MEGF6: variants seen among roughly 807,000 people sequenced by gnomAD.
MEGF6 encodes the protein multiple EGF like domains 6.
Under a neutral mutation model 207.1 loss-of-function variants are expected in MEGF6, and 184 were observed. That is an observed-to-expected ratio of 0.89 (90% confidence interval 0.79 to 1.00). MEGF6 has a LOEUF of 1.00. Among genes scored for constraint, MEGF6 ranks in the 50% least tolerant of loss-of-function variants. MEGF6 has a pLI of 0.00. For synonymous variants in MEGF6, 1,038 were observed against 910.0 expected, an observed-to-expected ratio of 1.14 and a Z score of -2.53; for missense variants, 2,282 against 2,202.9, an observed-to-expected ratio of 1.04 and a Z score of -0.72.
chr1:3,535,586 C>T (rs1011540543), intron 4 of MEGF6, among the ~76,000 whole-genome samples: 2 of 152,100 alleles, frequency 1.3e-5, no homozygotes, highest in African/African-American at 4.8e-5. Context: ...CCATGCCCAC[C>T]CGCCCACCTC....
intron 4 of MEGF6, among the ~76,000 whole-genome samples, chr1:3,562,017 G>T (rs992660247): frequency 6.6e-6 from 1 of 152,170 alleles, no homozygotes; most frequent in Non-Finnish European, 1.5e-5. Flanking sequence ...TGGCGGTGCT[G>T]GTGGGAGGCC....
At chr1:3,497,780 CA>C (rs1310667237) in intron 26 of MEGF6, among the ~76,000 whole-genome samples, 2 of 152,218 alleles carry the variant, frequency 1.3e-5, no homozygotes, top group Non-Finnish European at 2.9e-5. Context: ...CCCCCTCAGA[CA>C]GCAGACCCAA....
chr1:3,505,391 C>CG, intron 16 of MEGF6, 31 bp downstream of exon 16: 2 of 1,599,294 alleles, frequency 1.3e-6, no homozygotes, highest in Non-Finnish European at 1.7e-6. Flanking sequence ...CCCTGGCGCC[C>CG]CCCGCCCCCA....
intron 34 of MEGF6, 59 bp downstream of exon 34, chr1:3,493,712 T>C (rs1640473177): frequency 6.9e-6 from 11 of 1,583,208 alleles, no homozygotes; most frequent in South Asian, 1.1e-5. Flanking sequence ...AACCAATCAA[T>C]ATTGGTCACT....
Position 3,560,682 on chromosome 1 carries a change from T to C in MEGF6, c.481+19143A>G. 2.2e-6 allele frequency: 1 copy of C among 452,706 alleles called. No homozygotes were observed. The highest frequency in any genetic ancestry group is 4.6e-6 in the Non-Finnish European group (1 of 215,762). 28.0% of individuals were successfully genotyped at this position (452,706 alleles called of 1,614,324 possible). A position where few individuals can be genotyped will look rare whatever the true frequency, so the allele number is the denominator to read the frequency against. ...GGGGAGGCTGGGTGCCATCAACCCCTCCCCATCTGTGGTTTCCAGGGCAAC... is the reference window on the plus strand; with the variant it reads ...GGGGAGGCTGGGTGCCATCAACCCCCCCCCATCTGTGGTTTCCAGGGCAAC... On this transcript the variant is annotated intron_variant, in intron 4 of 36. Transcript: ENST00000356575. This position sits in a 1 kb window ranked among gnomAD's most constrained non-coding sequence, Gnocchi z 4.0.
chr1:3,493,747 T>G (rs757624545), intron 34 of MEGF6, 24 bp downstream of exon 34: 1 of 1,606,860 alleles, frequency 6.2e-7, no homozygotes, highest in East Asian at 2.2e-5. Flanking sequence ...CCCACGCCCT[T>G]CCTGGGCAGG....
chr1:3,609,906 A>G (rs1467917354), intron 1 of MEGF6, among the ~76,000 whole-genome samples: 3 of 152,228 alleles, frequency 2.0e-5, no homozygotes. Flanking sequence ...TCCGCCAAGC[A>G]GCAGCCCACC....
chr1:3,563,580 A>G (rs1455853399), intron 4 of MEGF6, among the ~76,000 whole-genome samples: 1 of 152,160 alleles, frequency 6.6e-6, no homozygotes, highest in African/African-American at 2.4e-5. Flanking sequence ...GACATTTTAG[A>G]AGAACGCACT....
intron 4 of MEGF6, among the ~76,000 whole-genome samples, chr1:3,542,539 G>A (rs1364277689): frequency 6.6e-6 from 1 of 152,184 alleles, no homozygotes; most frequent in Non-Finnish European, 1.5e-5. Context: ...GGCAGAGGAA[G>A]GCAGGTGGAG....
intron 13 of MEGF6, among the ~76,000 whole-genome samples, chr1:3,508,278 G>A (rs1470991695): frequency 3.3e-5 from 5 of 152,228 alleles, no homozygotes; most frequent in Non-Finnish European, 5.9e-5. Context: ...TGGCTTGCTT[G>A]TTGCTGGACC....
intron 3 of MEGF6, among the ~76,000 whole-genome samples, chr1:3,585,290 T>G (rs1643877110): frequency 7.0e-6 from 1 of 142,582 alleles, no homozygotes; most frequent in African/African-American, 2.7e-5. Flanking sequence ...ATGTCCTGTG[T>G]GTGGGTGTGC....
At chr1:3,615,890 T>C (rs537012083), upstream of MEGF6, among the ~76,000 whole-genome samples, 51 of 152,336 alleles carry the variant, frequency 3.3e-4, no homozygotes, top group African/African-American at 1.2e-3. Flanking sequence ...TCAGAGCCTC[T>C]CCCCAGTAGA....
chr1:3,538,696 C>CTGTGTGTGTGTG (rs57325073), intron 4 of MEGF6, among the ~76,000 whole-genome samples: 1,424 of 132,070 alleles, frequency 0.011, 23 homozygotes, highest in African/African-American at 0.022. Context: ...GAGCATGTGC[C>CTGTGTGTGTGTG]TGTGTGTGTG....
At chr1:3,502,233 G>A (rs888786176) in intron 17 of MEGF6, among the ~76,000 whole-genome samples, 2 of 152,162 alleles carry the variant, frequency 1.3e-5, no homozygotes, top group African/African-American at 4.8e-5. Flanking sequence ...GGAGAGGGGA[G>A]GGGCAGGGCT....
Position 3,494,491 on chromosome 1 carries a change from G to T in MEGF6, c.4009C>A (p.Pro1337Thr). ...TGRHCELACP[P>T]GRYGAACHLE... ...TGGCAGGCGGCTCCGTAGCGCCCAGGGGGACAGGCTGGGGACAGGGCAGGG... is the reference window on the plus strand; with the variant it reads ...TGGCAGGCGGCTCCGTAGCGCCCAGTGGGACAGGCTGGGGACAGGGCAGGG... Residue 1337 changes from proline (P) to threonine (T), a missense_variant, in exon 32 of 37, where the codon CCT becomes ACT. Physicochemically the swap from Pro to Thr is conservative, Grantham distance 38 (BLOSUM62 -1). Transcript: ENST00000356575. 1 of 1,590,424 alleles carries T rather than the reference G, an allele frequency of 6.3e-7. No homozygotes were observed. Among genetic ancestry groups the T allele is most frequent in the Non-Finnish European group, 8.5e-7 (1 of 1,172,156 alleles).
chr1:3,499,193 A>C lies in MEGF6; in HGVS notation c.3039T>G (p.Pro1013=), dbSNP rs747090696. Residue 1013 remains proline, a synonymous_variant, in exon 24 of 37, where the codon CCT becomes CCG. Coordinates refer to ENST00000356575, the MANE Select transcript of MEGF6 (RefSeq NM_001409.4). Reference sequence around the variant, plus strand: ...GGGCACAGTGGCACTGCCCGTGGACAGGGTCACAGGAGGCCCCGTTAAAGC... The same window carrying C: ...GGGCACAGTGGCACTGCCCGTGGACCGGGTCACAGGAGGCCCCGTTAAAGC... ...CACFNGASCD[P]VHGQCHCAPG... is the part of the protein sequence containing the mutation. 6.2e-7 allele frequency: 1 copy of C among 1,604,236 alleles called. No individual in the cohort carries two copies. Among genetic ancestry groups the C allele is most frequent in the Admixed American group, 1.7e-5 (1 of 58,856 alleles).
intron 4 of MEGF6, among the ~76,000 whole-genome samples, chr1:3,544,166 C>T (rs113595493): frequency 0.13 from 19,242 of 148,020 alleles, 2,691 homozygotes; most frequent in African/African-American, 0.38. Flanking sequence ...GAGAGAGACA[C>T]GGAAGGTCCA....
At chr1:3,583,251 C>T (rs918501899) in intron 3 of MEGF6, among the ~76,000 whole-genome samples, 16 of 152,284 alleles carry the variant, frequency 1.1e-4, no homozygotes, top group African/African-American at 3.9e-4. Flanking sequence ...CTCCGCACTG[C>T]AGCATGTGCT....
intron 5 of MEGF6, among the ~76,000 whole-genome samples, chr1:3,523,048 G>A (rs1354178039): frequency 6.6e-6 from 1 of 151,416 alleles, no homozygotes; most frequent in East Asian, 2.0e-4. Flanking sequence ...GGATCCCCAT[G>A]GTGGCCGGGA....
Sources: gnomAD v4.1 joint callset for allele counts (sites outside exome capture counted in the v4.1 genomes callset) on GRCh38, gnomAD v4.1.1 for gene constraint, Gnocchi (gnomAD v3.1) non-coding constraint, MANE v1.5 for transcripts, NCBI Gene and HGNC (gene_info 2026-07-23, HGNC 2026-07-21) for gene names.